FGF12: variants seen among roughly 807,000 people sequenced by gnomAD.
FGF12 encodes the protein fibroblast growth factor 12.
FGF12 carries 14 observed loss-of-function variants against 23.6 expected under a neutral mutation model. The ratio of observed to expected loss-of-function variants is 0.59; its 90% CI spans 0.39 to 0.93. The LOEUF is 0.93. FGF12 is among the 40% of genes least tolerant of loss of function. The pLI, the probability that FGF12 is intolerant of heterozygous loss-of-function variation, is 0.00. For missense variants in FGF12, 175 were observed against 217.8 expected, an observed-to-expected ratio of 0.80 and a Z score of 1.24; for synonymous variants, 62 against 77.3, an observed-to-expected ratio of 0.80 and a Z score of 1.04.
chr3:192,450,695 AAC>A (rs1216784980), intron 2 of FGF12, among the ~76,000 whole-genome samples: 1 of 152,198 alleles, frequency 6.6e-6, no homozygotes. Context: ...ATAAAAATGT[AAC>A]AGTTTCATGG....
intron 4 of FGF12, among the ~76,000 whole-genome samples, chr3:192,326,357 G>A (rs1388885244): frequency 1.3e-5 from 2 of 152,136 alleles, no homozygotes; most frequent in Non-Finnish European, 2.9e-5. Context: ...AAAGAAATTA[G>A]AGGAGGGAAT....
intron 4 of FGF12, among the ~76,000 whole-genome samples, chr3:192,185,526 CTT>C (rs373438437): frequency 1.3e-5 from 2 of 150,796 alleles, no homozygotes; most frequent in South Asian, 2.1e-4. Flanking sequence ...TTTACATTTT[CTT>C]TTTTTTTCAT....
At chr3:192,369,978 G>C (rs1275386541) in intron 2 of FGF12, among the ~76,000 whole-genome samples, 3 of 152,176 alleles carry the variant, frequency 2.0e-5, no homozygotes, top group Non-Finnish European at 4.4e-5. Flanking sequence ...AGTTAGCCTA[G>C]AATAGGCAGG....
intron 3 of FGF12, among the ~76,000 whole-genome samples, chr3:192,344,009 T>TC (rs1188353638): frequency 4.5e-5 from 4 of 89,876 alleles, no homozygotes; most frequent in Non-Finnish European, 8.0e-5. Flanking sequence ...GAGGTTGCAA[T>TC]TTTTTGAATT....
At chr3:192,539,417 T>C (rs1725310961) in intron 2 of FGF12, among the ~76,000 whole-genome samples, 4 of 152,184 alleles carry the variant, frequency 2.6e-5, no homozygotes. Flanking sequence ...TTTTGTATTT[T>C]GTTCTGTTGA....
chr3:192,435,953 T>G (rs1389558043), intron 2 of FGF12, among the ~76,000 whole-genome samples: 2 of 152,222 alleles, frequency 1.3e-5, no homozygotes, highest in Non-Finnish European at 2.9e-5. Flanking sequence ...TGAAGAATAT[T>G]TTTTGAAACA....
chr3:192,538,107 C>A (rs532668639), intron 2 of FGF12, among the ~76,000 whole-genome samples: 3 of 151,716 alleles, frequency 2.0e-5, no homozygotes, highest in Non-Finnish European at 2.9e-5. Context: ...CCACTGTGCC[C>A]GGCTAATTTT....
chr3:192,146,602 GT>G (rs1251041437), intron 5 of FGF12, among the ~76,000 whole-genome samples: 3 of 152,046 alleles, frequency 2.0e-5, no homozygotes, highest in African/African-American at 7.2e-5. Context: ...TTTAAGCTGA[GT>G]TTCTTAGAGT....
chr3:192,375,011 C>T (rs1256521834), intron 2 of FGF12, among the ~76,000 whole-genome samples: 2 of 152,152 alleles, frequency 1.3e-5, no homozygotes. Context: ...CCTTCCTATT[C>T]ATATTTTTGT....
intron 2 of FGF12, among the ~76,000 whole-genome samples, chr3:192,696,507 A>G (rs1479576498): frequency 4.6e-5 from 7 of 152,140 alleles, no homozygotes; most frequent in Non-Finnish European, 7.4e-5. Flanking sequence ...TTCAAAAGCT[A>G]GTACATTGCA....
intron 2 of FGF12, among the ~76,000 whole-genome samples, chr3:192,553,316 T>C (rs1295247026): frequency 3.3e-5 from 5 of 151,924 alleles, no homozygotes; most frequent in Admixed American, 2.6e-4. Context: ...AGAAGAAAAA[T>C]ATATAACAGC....
At chr3:192,480,121 G>A (rs893917674) in intron 2 of FGF12, among the ~76,000 whole-genome samples, 22 of 152,102 alleles carry the variant, frequency 1.4e-4, no homozygotes, top group Admixed American at 1.3e-3. Context: ...TTTTCTGTGG[G>A]GATGGAGACA....
chr3:192,407,813 C>T (rs565121432), intron 2 of FGF12, among the ~76,000 whole-genome samples: 4 of 152,288 alleles, frequency 2.6e-5, no homozygotes, highest in African/African-American at 9.6e-5. Context: ...CTGGTCAAAC[C>T]CCGGACTGAT....
chr3:192,576,988 T>TA (rs1712926428), intron 2 of FGF12, among the ~76,000 whole-genome samples: 1 of 152,004 alleles, frequency 6.6e-6, no homozygotes, highest in African/African-American at 2.4e-5. Flanking sequence ...GTCTCACTCA[T>TA]AAGTGGGAAT....
chr3:192,489,644 C>T (rs909905698), intron 2 of FGF12, among the ~76,000 whole-genome samples: 1 of 152,048 alleles, frequency 6.6e-6, no homozygotes, highest in African/African-American at 2.4e-5. Context: ...GAAAGAGAGA[C>T]TAGGGTGGCA....
intron 2 of FGF12, among the ~76,000 whole-genome samples, chr3:192,725,437 T>C (rs996184967): frequency 1.3e-5 from 2 of 152,186 alleles, no homozygotes; most frequent in Non-Finnish European, 2.9e-5. Context: ...CTGATTCTTT[T>C]CGGATGTATT....
At chr3:192,571,184 T>C (rs1712618172) in intron 2 of FGF12, among the ~76,000 whole-genome samples, 1 of 152,234 alleles carries the variant, frequency 6.6e-6, no homozygotes, top group Admixed American at 6.5e-5. Context: ...CAATGTCAAA[T>C]GTGAAACCTT....
chr3:192,512,697 G>C (rs1724516975), intron 2 of FGF12, among the ~76,000 whole-genome samples: 1 of 151,100 alleles, frequency 6.6e-6, no homozygotes, highest in African/African-American at 2.4e-5. Flanking sequence ...TCTGTGGAAA[G>C]GGTGGGAAGG....
intron 2 of FGF12, among the ~76,000 whole-genome samples, chr3:192,647,142 A>G (rs181474480): frequency 1.3e-5 from 2 of 152,308 alleles, no homozygotes; most frequent in African/African-American, 4.8e-5. Flanking sequence ...TCCATCACAA[A>G]TACATGAAGA....
Sources: allele counts gnomAD v4.1 joint callset (sites outside exome capture counted in the v4.1 genomes callset), GRCh38; gene constraint gnomAD v4.1.1; transcripts MANE v1.5; gene names NCBI Gene and HGNC (gene_info 2026-07-23, HGNC 2026-07-21).